Variants in KDM7A observed in about 807,000 individuals in gnomAD.
KDM7A encodes the protein lysine demethylase 7A.
KDM7A carries 28 observed loss-of-function variants against 114.8 expected under a neutral mutation model. The observed-to-expected ratio is 0.24, with a 90% CI of 0.18 to 0.33. The LOEUF is 0.33. Among genes scored for constraint, KDM7A ranks in the 10% least tolerant of loss-of-function variants. KDM7A has a pLI of 1.00. For synonymous variants in KDM7A, 423 were observed against 397.8 expected (o/e 1.06, Z -0.75); for missense variants, 942 against 1,142.5 (o/e 0.82, Z 2.53).
intron 1 of KDM7A, among the ~76,000 whole-genome samples, chr7:140,150,757 A>T (rs1334748610): frequency 6.6e-6 from 1 of 152,186 alleles, no homozygotes. Flanking sequence ...TTTAAAAAGA[A>T]AAACACATTC....
chr7:140,114,367 G>A (rs34837930), intron 9 of KDM7A, among the ~76,000 whole-genome samples: 52,044 of 151,370 alleles, frequency 0.34, 9,053 homozygotes, highest in Middle Eastern at 0.43. Flanking sequence ...ACGGGGTTTC[G>A]CTGTGTTGGC....
rs1267828193 is a variant in KDM7A at position 140,087,785 on chromosome 7, TTTAA to T, written c.*3305_*3308del. ...ATTAATTACCAAGTTGAAGCATTTC[TTTAA>T]TTGTGAAATTACTTTCACTTCTACA... On this transcript the variant is annotated 3_prime_UTR_variant, in exon 20 of 20. Transcript: ENST00000397560. The T allele has an allele frequency of 2.0e-5, 3 of 152,244 alleles. No individual in the cohort carries two copies. The highest frequency in any genetic ancestry group is 2.9e-5 in the Non-Finnish European group (2 of 68,036). 9.4% of individuals were successfully genotyped at this position (152,244 alleles called of 1,614,324 possible).
At chr7:140,138,913 T>TC (rs1228226639) in intron 2 of KDM7A, among the ~76,000 whole-genome samples, 192 bp downstream of exon 2, 1 of 152,150 alleles carries the variant, frequency 6.6e-6, no homozygotes, top group African/African-American at 2.4e-5. Context: ...ACAGTACATT[T>TC]CCCCCCTTAA....
intron 1 of KDM7A, among the ~76,000 whole-genome samples, chr7:140,160,835 G>A (rs1161997839): frequency 2.0e-5 from 3 of 152,166 alleles, no homozygotes; most frequent in African/African-American, 4.8e-5. Flanking sequence ...AGACTCCAGC[G>A]CTGACTACTT....
intron 1 of KDM7A, among the ~76,000 whole-genome samples, chr7:140,144,123 C>A (rs990755358): frequency 6.6e-6 from 1 of 152,142 alleles, no homozygotes; most frequent in Non-Finnish European, 1.5e-5. Flanking sequence ...ACTTACTTAA[C>A]AAAGCTATGG....
Position 140,089,219 on chromosome 7 carries a change from T to C in KDM7A, c.*1875A>G, listed in dbSNP as rs887408804. ...AGACAGGGTTTACACGGGTTGTTTATAGACACTAAGGATTTCCATAAAAAT... is the reference window on the plus strand; with the variant it reads ...AGACAGGGTTTACACGGGTTGTTTACAGACACTAAGGATTTCCATAAAAAT... On this transcript the variant is annotated 3_prime_UTR_variant, in exon 20 of 20. Transcript: ENST00000397560. 3 of 152,196 alleles carry C rather than the reference T, an allele frequency of 2.0e-5. No homozygotes were observed. Among genetic ancestry groups the C allele is most frequent in the Non-Finnish European group, 2.9e-5 (2 of 68,026 alleles). The allele number at this position is 152,196 out of a possible 1,614,324, so 9.4% of individuals were successfully genotyped here. A position where few individuals can be genotyped will look rare whatever the true frequency, so the allele number is the denominator to read the frequency against.
chr7:140,162,522 G>A (rs960577775), intron 1 of KDM7A, among the ~76,000 whole-genome samples: 1 of 152,076 alleles, frequency 6.6e-6, no homozygotes, highest in East Asian at 1.9e-4. Context: ...TAAGATCACT[G>A]TATTTTCTCT....
rs1253982053 is a variant in KDM7A at position 140,096,914 on chromosome 7, T to G, written c.2150A>C (p.Glu717Ala). The change falls in exon 16 of 20, where the codon GAA becomes GCA. Residue 717 changes from glutamate to alanine, a missense_variant. Transcript: ENST00000397560. The stretch of plus-strand genomic sequence containing the variant: ...GCAAGCCTACCTTTTAATTGGAATT[T>G]CACTTCTAGATGGCTTCTGGCTCTT... ...LQKSQKPSRS[E>A]IPIKRECPTS... The G allele has an allele frequency of 4.3e-6, 7 of 1,613,882 alleles. No individual in the cohort carries two copies. In the Admixed American group the frequency reaches 1.0e-4, roughly 23 times the overall value.
intron 9 of KDM7A, among the ~76,000 whole-genome samples, chr7:140,118,872 C>T (rs1167299769): frequency 2.0e-5 from 3 of 152,134 alleles, no homozygotes; most frequent in Admixed American, 6.5e-5. Context: ...ATATTACCTA[C>T]GTTGTTCTGA....
intron 7 of KDM7A, among the ~76,000 whole-genome samples, chr7:140,121,960 A>G (rs2116793312): frequency 6.6e-6 from 1 of 152,326 alleles, no homozygotes; most frequent in South Asian, 2.1e-4. Context: ...TGGTTCTCCA[A>G]ATATGGTCCC....
chr7:140,098,962 C>A lies in KDM7A; in HGVS notation c.1835G>T (p.Arg612Met). Residue 612 changes from arginine (R) to methionine (M), a missense_variant, in exon 14 of 20, where the codon AGG (arginine) becomes ATG (methionine). Arg to Met is a moderately conservative substitution (Grantham distance 91, BLOSUM62 -1). Coordinates refer to ENST00000397560, the MANE Select transcript of KDM7A (RefSeq NM_030647.2). ...ADSENEEDKR[R>M]TKKAKMKIEE... ...TATCTTCATTTTTGCCTTTTTTGTCCTTCTTTTATCCTCTTCATTTTCACT... is the reference window on the plus strand; with the variant it reads ...TATCTTCATTTTTGCCTTTTTTGTCATTCTTTTATCCTCTTCATTTTCACT... 2.5e-6 allele frequency: 4 copies of A among 1,613,000 alleles called. No homozygotes were observed. The highest frequency in any genetic ancestry group is 3.4e-6 in the Non-Finnish European group (4 of 1,179,428).
intron 9 of KDM7A, among the ~76,000 whole-genome samples, chr7:140,115,213 G>A (rs1818506332): frequency 1.3e-5 from 2 of 148,586 alleles, no homozygotes; most frequent in African/African-American, 5.0e-5. Context: ...CCGTCCGGGA[G>A]GTAGGGGGCG....
In KDM7A at chr7:140,139,632, A is replaced by G. The variant is rs571728638; in HGVS notation, c.195-442T>C. Among the ~76,000 whole-genome samples the G allele has an allele frequency of 3.9e-5, 6 of 152,342 alleles. No homozygotes were observed. The East Asian group carries it at 1.2e-3, about 29-fold the overall frequency. ...ATCTGCTAGAAAAAAAGAGGCTGAA[A>G]TTAATGAGCTATGTATCTACCTCAA... On this transcript the variant is annotated intron_variant, in intron 1 of 19. Coordinates refer to ENST00000397560, the MANE Select transcript of KDM7A (RefSeq NM_030647.2).
At position 140,087,777 on chromosome 7, in the gene KDM7A, A is replaced by G. The variant is rs1817954361; in HGVS notation, c.*3317T>C. 2 of 152,202 alleles carry G rather than the reference A, an allele frequency of 1.3e-5. No homozygotes were observed. Among genetic ancestry groups the G allele is most frequent in the South Asian group, 2.1e-4 (1 of 4,834 alleles). 9.4% of individuals were successfully genotyped at this position (152,202 alleles called of 1,614,324 possible). A position where few individuals can be genotyped will look rare whatever the true frequency, so the allele number is the denominator to read the frequency against. The stretch of plus-strand genomic sequence containing the variant: ...ATGACCATATTAATTACCAAGTTGA[A>G]GCATTTCTTTAATTGTGAAATTACT... On this transcript the variant is annotated 3_prime_UTR_variant, in exon 20 of 20. Transcript: ENST00000397560.
At chr7:140,161,738 G>A (rs1176318353) in intron 1 of KDM7A, among the ~76,000 whole-genome samples, 1 of 151,722 alleles carries the variant, frequency 6.6e-6, no homozygotes, top group Non-Finnish European at 1.5e-5. Flanking sequence ...TAGAGACGGG[G>A]TTTCACCGTG....
chr7:140,169,784 A>C (rs992804623), intron 1 of KDM7A, among the ~76,000 whole-genome samples: 2 of 152,178 alleles, frequency 1.3e-5, no homozygotes, highest in Admixed American at 1.3e-4. Context: ...TCAGCCTCCC[A>C]AAGTGCTGGG....
At chr7:140,103,322 T>C (rs1207531384) in intron 11 of KDM7A, among the ~76,000 whole-genome samples, 3 of 152,006 alleles carry the variant, frequency 2.0e-5, no homozygotes, top group Admixed American at 6.6e-5. Flanking sequence ...TTTTTTATTT[T>C]AATTATTATA....
chr7:140,097,459 C>T, intron 15 of KDM7A, 86 bp downstream of exon 15: 2 of 721,208 alleles, frequency 2.8e-6, no homozygotes, highest in Non-Finnish European at 2.4e-6. Flanking sequence ...TTGAGAAAAG[C>T]TGTCATTTGC....
At chr7:140,091,284 A>C in intron 19 of KDM7A, 96 bp from the exon 20 acceptor site, 1 of 842,528 alleles carries the variant, frequency 1.2e-6, no homozygotes, top group South Asian at 1.4e-5. Context: ...ATGGGAAGTA[A>C]GCCCTTAGGT....
Sources: gnomAD v4.1 joint callset for allele counts (sites outside exome capture counted in the v4.1 genomes callset) on GRCh38, gnomAD v4.1.1 for gene constraint, MANE v1.5 for transcripts, NCBI Gene and HGNC (gene_info 2026-07-23, HGNC 2026-07-21) for gene names.